FNDC3B: variants seen among roughly 807,000 people sequenced by gnomAD.
The protein encoded by FNDC3B is fibronectin type III domain containing 3B.
In FNDC3B, 12 loss-of-function variants were observed where a neutral mutation model predicts 151.5. The observed-to-expected ratio is 0.08, with a 90% CI of 0.05 to 0.13. The LOEUF is 0.13. Among genes scored for constraint, FNDC3B ranks in the 10% least tolerant of loss-of-function variants. The probability of loss-of-function intolerance (pLI) is 1.00; values close to 1 mark genes in which losing one functional copy is unlikely to be tolerated. For missense variants in FNDC3B, 1,214 were observed against 1,505.3 expected (o/e 0.81, Z 3.20); for synonymous variants, 528 against 549.0 (o/e 0.96, Z 0.54).
chr3:172,226,990 C>T lies in FNDC3B; in HGVS notation c.264+43C>T, dbSNP rs192207810. 2.9e-4 allele frequency: 368 copies of T among 1,285,320 alleles called. No individual in the cohort carries two copies. In the African/African-American group the frequency reaches 4.7e-3, roughly 17 times the overall value. The allele number at this position is 1,285,320 out of a possible 1,614,324, so 79.6% of individuals were successfully genotyped here. ...CTTCTCTACTCACTATGGACACTGT[C>T]GTTGCTCCAACAGAATATATGTTGA... On this transcript the variant is annotated intron_variant, in intron 4 of 25. Coordinates refer to ENST00000415807, the MANE Select transcript of FNDC3B (RefSeq NM_022763.4).
intron 3 of FNDC3B, among the ~76,000 whole-genome samples, chr3:172,164,480 A>C (rs1296483631): frequency 2.0e-5 from 3 of 152,188 alleles, no homozygotes; most frequent in African/African-American, 7.2e-5. Flanking sequence ...CAAAGTGCTG[A>C]AAGATGTGGC....
chr3:172,185,704 G>C (rs952680373), intron 3 of FNDC3B, among the ~76,000 whole-genome samples: 1 of 152,180 alleles, frequency 6.6e-6, no homozygotes, highest in African/African-American at 2.4e-5. Context: ...AAAATTTACT[G>C]TTGCCAGAAA....
chr3:172,235,414 T>A (rs1330247566), intron 4 of FNDC3B, among the ~76,000 whole-genome samples: 2 of 152,200 alleles, frequency 1.3e-5, no homozygotes, highest in African/African-American at 2.4e-5. Flanking sequence ...TCTGTTCATC[T>A]TATTTTGGGG....
At chr3:172,088,732 C>T (rs1231790551) in intron 1 of FNDC3B, among the ~76,000 whole-genome samples, 2 of 152,056 alleles carry the variant, frequency 1.3e-5, no homozygotes, top group Non-Finnish European at 2.9e-5. Flanking sequence ...ATAAATTTTA[C>T]ATAGTGAAAT....
At chr3:172,362,942 TCTTC>T in intron 23 of FNDC3B, 97 bp downstream of exon 23, 1 of 933,214 alleles carries the variant, frequency 1.1e-6, no homozygotes, top group Non-Finnish European at 1.6e-6. Flanking sequence ...ACTAAGACCC[TCTTC>T]CTTCTTGTTC....
At chr3:172,211,063 A>C (rs1725711276) in intron 3 of FNDC3B, among the ~76,000 whole-genome samples, 2 of 152,254 alleles carry the variant, frequency 1.3e-5, no homozygotes, top group Non-Finnish European at 2.9e-5. Context: ...ATTTCATATG[A>C]AGAGAACTTT....
intron 3 of FNDC3B, chr3:172,225,506 A>T: frequency 4.6e-6 from 1 of 216,994 alleles, no homozygotes. Flanking sequence ...GTGGCTGGCC[A>T]TAAAAACTCC....
intron 3 of FNDC3B, among the ~76,000 whole-genome samples, chr3:172,139,432 TC>T (rs888308941): frequency 7.2e-5 from 11 of 152,204 alleles, no homozygotes; most frequent in Admixed American, 1.3e-4. Flanking sequence ...AATGAGAAAT[TC>T]CTGTTTTACT....
chr3:172,384,280 T>G (rs1243157181), intron 25 of FNDC3B, among the ~76,000 whole-genome samples: 1 of 152,248 alleles, frequency 6.6e-6, no homozygotes, highest in Non-Finnish European at 1.5e-5. Context: ...CACCAAAGTT[T>G]CCATCATTCC....
chr3:172,333,488 A>AT (rs748224819), intron 14 of FNDC3B, among the ~76,000 whole-genome samples: 3,637 of 102,630 alleles, frequency 0.035, 111 homozygotes, highest in Middle Eastern at 0.056. Context: ...TGCCCGGCTA[A>AT]TTTTTTTTTT....
At chr3:172,380,447 T>A (rs1018607121) in intron 24 of FNDC3B, among the ~76,000 whole-genome samples, 1 of 152,154 alleles carries the variant, frequency 6.6e-6, no homozygotes, top group Non-Finnish European at 1.5e-5. Flanking sequence ...TGTCACCTGC[T>A]CCTCAAACTT....
Position 172,208,823 on chromosome 3 carries a change from C to T in FNDC3B, c.188-18048C>T, listed in dbSNP as rs116270054. ...TGTCTAAATGATTGAGCACAGGGTC[C>T]GGCCACTGTGCACAGCTAGGCATTC... On this transcript the variant is annotated intron_variant, in intron 3 of 25. Coordinates refer to ENST00000415807, the MANE Select transcript of FNDC3B (RefSeq NM_022763.4). 7.1e-3 allele frequency among the ~76,000 whole-genome samples: 1,083 copies of T among 152,234 alleles called. 13 individuals carry two copies. Among genetic ancestry groups the T allele is most frequent in the African/African-American group, 0.025 (1,041 of 41,538 alleles).
intron 1 of FNDC3B, among the ~76,000 whole-genome samples, chr3:172,104,672 G>C (rs1719553327): frequency 6.6e-6 from 1 of 152,104 alleles, no homozygotes; most frequent in South Asian, 2.1e-4. Context: ...CCAATGCCAA[G>C]GCATTGGTGT....
chr3:172,333,259 C>A, intron 14 of FNDC3B, 84 bp downstream of exon 14: 1 of 894,276 alleles, frequency 1.1e-6, no homozygotes, highest in Admixed American at 1.9e-5. Context: ...ATTGACTCTA[C>A]AGGTTAAAAA....
rs555954062 is a variant in FNDC3B at position 172,191,183 on chromosome 3, A to G, written c.188-35688A>G. On this transcript the variant is annotated intron_variant, in intron 3 of 25. Coordinates refer to ENST00000415807, the MANE Select transcript of FNDC3B (RefSeq NM_022763.4). Reference sequence around the variant, plus strand: ...TTGCACAGCACACAGCTATTGATGAATGGAGCCTGGGTTCTTTAGCCTCAT... The same window carrying G: ...TTGCACAGCACACAGCTATTGATGAGTGGAGCCTGGGTTCTTTAGCCTCAT... Among the ~76,000 whole-genome samples, 24 of 152,308 alleles carry G rather than the reference A, an allele frequency of 1.6e-4. No homozygotes were observed. The South Asian group carries it at 4.1e-3, about 26-fold the overall frequency.
At chr3:172,284,591 A>G (rs942627420) in intron 6 of FNDC3B, among the ~76,000 whole-genome samples, 13 of 151,788 alleles carry the variant, frequency 8.6e-5, no homozygotes, top group Admixed American at 5.9e-4. Flanking sequence ...CTGAACAGTA[A>G]GGACAAACAG....
rs143207344 is a variant in FNDC3B at position 172,232,499 on chromosome 3, G to A, written c.264+5552G>A. Reference sequence around the variant, plus strand: ...CCTTACAGATAACTGTGGACTTAGGGTGCAAAAACAGTGGAATCCTGTCAT... The same window carrying A: ...CCTTACAGATAACTGTGGACTTAGGATGCAAAAACAGTGGAATCCTGTCAT... On this transcript the variant is annotated intron_variant, in intron 4 of 25. Coordinates refer to ENST00000415807, the MANE Select transcript of FNDC3B (RefSeq NM_022763.4). Among the ~76,000 whole-genome samples, 131 of 152,276 alleles carry A rather than the reference G, an allele frequency of 8.6e-4. 1 individual carries two copies. Among genetic ancestry groups the A allele is most frequent in the African/African-American group, 3.0e-3 (123 of 41,554 alleles).
chr3:172,147,941 TTA>T (rs1007230169), intron 3 of FNDC3B, among the ~76,000 whole-genome samples: 1 of 152,100 alleles, frequency 6.6e-6, no homozygotes, highest in African/African-American at 2.4e-5. Flanking sequence ...AGATTATTAT[TTA>T]TAAGCTCAAA....
intron 19 of FNDC3B, among the ~76,000 whole-genome samples, chr3:172,345,399 T>C (rs1047106927): frequency 5.3e-5 from 8 of 152,214 alleles, no homozygotes; most frequent in Non-Finnish European, 4.4e-5. Context: ...TGGTGTGAGC[T>C]GTACTTTTCT....
Sources: gnomAD v4.1 joint callset for allele counts (sites outside exome capture counted in the v4.1 genomes callset) on GRCh38, gnomAD v4.1.1 for gene constraint, MANE v1.5 for transcripts, NCBI Gene and HGNC (gene_info 2026-07-23, HGNC 2026-07-21) for gene names.